The following BCCIP variants were observed in gnomAD, a reference collection of about 807,000 sequenced individuals.
BCCIP encodes BRCA2 and CDKN1A interacting protein.
In BCCIP, 23 loss-of-function variants were observed where a neutral mutation model predicts 32.8. The observed-to-expected ratio is 0.70, with a 90% confidence interval of 0.51 to 0.99. The LOEUF is 0.99. Among genes scored for constraint, BCCIP ranks in the 50% least tolerant of loss-of-function variants. The probability of loss-of-function intolerance (pLI) is 0.00; values close to 1 mark genes in which losing one functional copy is unlikely to be tolerated. For missense variants in BCCIP, 378 were observed against 379.8 expected (o/e 1.00, Z 0.04); for synonymous variants, 144 against 137.6 (o/e 1.05, Z -0.33).
intron 7 of BCCIP, among the ~76,000 whole-genome samples, chr10:125,851,805 C>T (rs1270721866): frequency 1.3e-5 from 2 of 151,326 alleles, no homozygotes; most frequent in Non-Finnish European, 2.9e-5. Flanking sequence ...CCTGTGGTCC[C>T]AGCTATTTGG....
chr10:125,837,081 T>C (rs188315668), downstream of BCCIP, among the ~76,000 whole-genome samples: 32 of 152,356 alleles, frequency 2.1e-4, no homozygotes, highest in Admixed American at 1.7e-3. Flanking sequence ...TCTAGTGTTA[T>C]GCCACACAGT....
At chr10:125,825,128 A>G (rs1854353921) in intron 1 of BCCIP, among the ~76,000 whole-genome samples, 1 of 152,244 alleles carries the variant, frequency 6.6e-6, no homozygotes, top group Non-Finnish European at 1.5e-5. Flanking sequence ...TTGTGTTAAC[A>G]TGGGAAATCT....
downstream of BCCIP, chr10:125,839,201 G>A (rs187029618): frequency 7.3e-5 from 117 of 1,611,762 alleles, no homozygotes; most frequent in African/African-American, 1.4e-3. Context: ...AGGAGGGAAA[G>A]AACACAAGGC....
intron 7 of BCCIP, among the ~76,000 whole-genome samples, chr10:125,849,744 A>G (rs1944066942): frequency 6.6e-6 from 1 of 152,210 alleles, no homozygotes. Context: ...TGTTATATAT[A>G]GTATAGTAAA....
rs1366881187 is a variant in BCCIP at position 125,823,586 on chromosome 10, T to C, written c.29T>C (p.Val10Ala). The C allele has an allele frequency of 9.3e-6, 15 of 1,613,452 alleles. No homozygotes were observed. The highest frequency in any genetic ancestry group is 1.2e-5 in the Non-Finnish European group (14 of 1,179,868). Residue 10 changes from valine to alanine, a missense_variant, in exon 1 of 7, where the codon GTG becomes GCG. Physicochemically the swap from Val to Ala is moderately conservative, Grantham distance 64 (BLOSUM62 0). Transcript: ENST00000278100. ...GCGTCCAGGTCTAAGCGGCGTGCCG[T>C]GGAAAGTGGGGTTCCGCAGCCGCCG... Reference protein sequence around the residue: MASRSKRRAVESGVPQPPDP... With the variant: MASRSKRRAAESGVPQPPDP...
chr10:125,835,931 A>G lies in BCCIP; in HGVS notation c.775-173A>G, dbSNP rs536090109. ...TTAAAATCTACTTGGTTTGTGTTTT[A>G]TAACTTCTGCCTGAATGTCCCATTT... is the stretch of plus-strand genomic sequence containing the variant. On this transcript the variant is annotated intron_variant, in intron 6 of 6. Transcript: ENST00000278100. Among the ~76,000 whole-genome samples, 9 of 152,358 alleles carry G rather than the reference A, an allele frequency of 5.9e-5. No individual in the cohort carries two copies. In the South Asian group the frequency reaches 1.5e-3, roughly 25 times the overall value.
chr10:125,836,779 C>T, downstream of BCCIP: 2 of 1,614,140 alleles, frequency 1.2e-6, no homozygotes, highest in South Asian at 1.1e-5. Flanking sequence ...AGGTGATCCA[C>T]TACTTGCTGT....
intron 1 of BCCIP, chr10:125,825,380 G>A (rs1224132415): frequency 6.6e-6 from 1 of 152,206 alleles, no homozygotes; most frequent in Non-Finnish European, 1.5e-5. Flanking sequence ...TTTACAGAAT[G>A]TATTTATATC....
At chr10:125,848,795 A>G (rs1944055267) in intron 7 of BCCIP, among the ~76,000 whole-genome samples, 1 of 152,206 alleles carries the variant, frequency 6.6e-6, no homozygotes, top group Non-Finnish European at 1.5e-5. Flanking sequence ...TATAGCATTT[A>G]CTATACACCA....
At chr10:125,825,990 G>GT (rs1282585871) in intron 1 of BCCIP, 1 of 154,234 alleles carries the variant, frequency 6.5e-6, no homozygotes, top group Non-Finnish European at 1.4e-5. Context: ...TCTCTTTGCT[G>GT]TTTCTCGGTT....
At chr10:125,853,178 C>A (rs956854376) in exon 8 of BCCIP, 2 of 1,613,200 alleles carry the variant, frequency 1.2e-6, no homozygotes, top group Non-Finnish European at 1.7e-6. Flanking sequence ...TGGACTAATT[C>A]AATCAAGATC....
intron 7 of BCCIP, among the ~76,000 whole-genome samples, chr10:125,851,978 CTTCT>C: frequency 6.6e-6 from 1 of 150,516 alleles, no homozygotes; most frequent in East Asian, 2.0e-4. Flanking sequence ...GCTGAGAATT[CTTCT>C]TTCTGCTGAT....
downstream of BCCIP, among the ~76,000 whole-genome samples, chr10:125,840,345 C>G (rs1854836728): frequency 6.6e-6 from 1 of 152,236 alleles, no homozygotes; most frequent in Non-Finnish European, 1.5e-5. Flanking sequence ...ACCCTCTGCT[C>G]TCCTCTATCA....
At chr10:125,846,975 A>C (rs1944030086), downstream of BCCIP, among the ~76,000 whole-genome samples, 1 of 152,206 alleles carries the variant, frequency 6.6e-6, no homozygotes. Context: ...ATACACATTT[A>C]TATCAATGGA....
chr10:125,839,019 C>A, downstream of BCCIP: 2 of 1,613,998 alleles, frequency 1.2e-6, no homozygotes, highest in South Asian at 2.2e-5. Context: ...AGTAACCGGA[C>A]AGAAGAGCTT....
At chr10:125,847,649 CTTTATT>C (rs1200764576), downstream of BCCIP, among the ~76,000 whole-genome samples, 8 of 152,110 alleles carry the variant, frequency 5.3e-5, no homozygotes, top group African/African-American at 1.9e-4. Context: ...TACATGTGCA[CTTTATT>C]TTTATTATTA....
downstream of BCCIP, among the ~76,000 whole-genome samples, chr10:125,845,592 A>G (rs1019649049): frequency 6.6e-6 from 1 of 152,200 alleles, no homozygotes; most frequent in South Asian, 2.1e-4. Flanking sequence ...TCCTTCCACC[A>G]CACTCCTTAA....
chr10:125,836,917 A>G (rs1417271590), downstream of BCCIP: 6 of 1,471,368 alleles, frequency 4.1e-6, no homozygotes, highest in East Asian at 4.6e-5. Flanking sequence ...GACACCAAAC[A>G]TTATGTCTGG....
intron 7 of BCCIP, chr10:125,852,713 G>T: frequency 7.3e-7 from 1 of 1,367,144 alleles, no homozygotes; most frequent in Non-Finnish European, 1.0e-6. Flanking sequence ...ATCCTGAAGA[G>T]AATATGCTGC....
Sources: allele counts gnomAD v4.1 joint callset (sites outside exome capture counted in the v4.1 genomes callset), GRCh38; gene constraint gnomAD v4.1.1; transcripts MANE v1.5; gene names NCBI Gene and HGNC (gene_info 2026-07-23, HGNC 2026-07-21).